Variants in SLC16A6 observed in about 807,000 individuals in gnomAD.
The protein encoded by SLC16A6 is solute carrier family 16 member 6.
SLC16A6 carries 15 observed loss-of-function variants against 33.8 expected under a neutral mutation model. That is an observed-to-expected ratio of 0.44 (90% CI 0.30 to 0.68). The LOEUF (loss-of-function observed/expected upper bound fraction) is 0.68, where lower values mean the gene tolerates loss of function less well. Among genes scored for constraint, SLC16A6 ranks in the 30% least tolerant of loss-of-function variants. The pLI is 0.10. For synonymous variants in SLC16A6, 219 were observed against 248.4 expected (o/e 0.88, Z 1.11); for missense variants, 451 against 661.5 (o/e 0.68, Z 3.49).
intron 2 of SLC16A6, among the ~76,000 whole-genome samples, chr17:68,274,955 T>C (rs1281796627): frequency 6.6e-6 from 1 of 152,130 alleles, no homozygotes; most frequent in Non-Finnish European, 1.5e-5. Flanking sequence ...TGATTGTGTA[T>C]TTTTAGTAGA....
chr17:68,280,662 A>G (rs1368071690), intron 1 of SLC16A6, among the ~76,000 whole-genome samples: 1 of 152,262 alleles, frequency 6.6e-6, no homozygotes, highest in Non-Finnish European at 1.5e-5. Context: ...ACTTAAATGT[A>G]AGACCTAAAA....
intron 1 of SLC16A6, chr17:68,282,885 T>G (rs369852101): frequency 7.0e-6 from 1 of 143,484 alleles, no homozygotes; most frequent in East Asian, 2.0e-4. Flanking sequence ...GAGGTGGAGG[T>G]TGCAGTGAGC....
rs2075206076 is a variant in SLC16A6 at position 68,267,916 on chromosome 17, T to G, written c.*1180A>C. ...CCCCCATGTGAAATACAGAAATGCT[T>G]CAATAATTAGATGGTTTTTTCTTTA... On this transcript the variant is annotated 3_prime_UTR_variant, in exon 6 of 6. Transcript: ENST00000580666. 6.6e-6 allele frequency: 1 copy of G among 152,226 alleles called. No homozygotes were observed. Among genetic ancestry groups the G allele is most frequent in the Admixed American group, 6.5e-5 (1 of 15,284 alleles). 9.4% of individuals were successfully genotyped at this position (152,226 alleles called of 1,614,324 possible). A position where few individuals can be genotyped will look rare whatever the true frequency, so the allele number is the denominator to read the frequency against.
At chr17:68,281,339 C>T (rs6501344) in intron 1 of SLC16A6, among the ~76,000 whole-genome samples, 35,073 of 151,762 alleles carry the variant, frequency 0.23, 4,392 homozygotes, top group African/African-American at 0.31. Context: ...GAGCCTGAGG[C>T]AGGTGGATCA....
At chr17:68,279,028 G>C (rs1162512685) in intron 1 of SLC16A6, among the ~76,000 whole-genome samples, 1 of 152,096 alleles carries the variant, frequency 6.6e-6, no homozygotes, top group Non-Finnish European at 1.5e-5. Flanking sequence ...CTCCCAAAAA[G>C]AAAGTTAAAT....
rs1292451521 is a variant in SLC16A6, at chr17:68,268,006, T to C, written c.*1090A>G. The C allele has an allele frequency of 6.6e-6, 1 of 152,252 alleles. No individual in the cohort carries two copies. The highest frequency in any genetic ancestry group is 1.5e-5 in the Non-Finnish European group (1 of 68,040). The allele number at this position is 152,252 out of a possible 1,614,324, so 9.4% of individuals were successfully genotyped here. ...GATCAAAGAAGTTCCTCAAGTATTC[T>C]TAAATGATAAAACAAATTAGTTTTG... On this transcript the variant is annotated 3_prime_UTR_variant, in exon 6 of 6. Transcript: ENST00000580666.
rs1475152120 is a variant in SLC16A6 at position 68,269,006 on chromosome 17, G to A, written c.*90C>T. The A allele has an allele frequency of 6.4e-7, 1 of 1,566,798 alleles. No homozygotes were observed. Among genetic ancestry groups the A allele is most frequent in the Non-Finnish European group, 8.6e-7 (1 of 1,157,696 alleles). ...AATGTAGTTTTGAAAGTGGAGTAGA[G>A]GGGTTAGCTCCTCTGCCTCCTTGTG... is the stretch of plus-strand genomic sequence containing the variant. On this transcript the variant is annotated 3_prime_UTR_variant, in exon 6 of 6. Coordinates refer to ENST00000580666, the MANE Select transcript of SLC16A6 (RefSeq NM_004694.5).
rs782203795 is a variant in SLC16A6, at chr17:68,271,125, G to C, written c.1035C>G (p.Ile345Met). 5 of 1,614,118 alleles carry C rather than the reference G, an allele frequency of 3.1e-6. No homozygotes were observed. The South Asian group carries it at 4.4e-5, about 14-fold the overall frequency. Reference sequence around the variant, plus strand: ...CCCTGTTGAGGACAAAACCAGCTCCGATCCTTCCGAAAACTTCTGCAATGG... The same window carrying C: ...CCCTGTTGAGGACAAAACCAGCTCCCATCCTTCCGAAAACTTCTGCAATGG... ...TMAIAEVFGR[I>M]GAGFVLNREP... is the part of the protein sequence containing the mutation. The change falls in exon 5 of 6, where the codon ATC becomes ATG. Residue 345 changes from isoleucine to methionine, a missense_variant. Ile to Met is a conservative substitution (Grantham distance 10). Around this residue, in one of 2 missense-constraint regions of SLC16A6, gnomAD observed 405 missense variants for 510.7 expected, o/e 0.79. Coordinates refer to ENST00000580666, the MANE Select transcript of SLC16A6 (RefSeq NM_004694.5). This position sits in a 1 kb window ranked among gnomAD's most constrained non-coding sequence, Gnocchi z 5.3.
chr17:68,277,804 T>C (rs571407769), intron 2 of SLC16A6, among the ~76,000 whole-genome samples: 1 of 152,296 alleles, frequency 6.6e-6, no homozygotes, highest in African/African-American at 2.4e-5. Flanking sequence ...CTGCACTCCT[T>C]AAGGGAATCT....
intron 2 of SLC16A6, chr17:68,274,430 C>G: frequency 5.7e-6 from 1 of 176,966 alleles, no homozygotes; most frequent in Non-Finnish European, 1.2e-5. Context: ...TGCACCACTG[C>G]ACTCCATACT....
chr17:68,273,048 CTA>C (rs201389097), intron 3 of SLC16A6, among the ~76,000 whole-genome samples: 3,370 of 150,652 alleles, frequency 0.022, 50 homozygotes, highest in Middle Eastern at 0.065. Flanking sequence ...ATGGATGAAA[CTA>C]TTATTGCATG....
chr17:68,271,364 G>C lies in SLC16A6; in HGVS notation c.796C>G (p.Gln266Glu). 1 of 1,614,286 alleles carries C rather than the reference G, an allele frequency of 6.2e-7. No homozygotes were observed. The highest frequency in any genetic ancestry group is 1.1e-5 in the South Asian group (1 of 91,092). Residue 266 changes from glutamine to glutamate, a missense_variant, in exon 5 of 6, where the codon CAG becomes GAG. By Grantham distance (29) the Gln-to-Glu change is conservative. Transcript: ENST00000580666. The surrounding 1 kb of genome is among the most constrained non-coding windows in gnomAD (Gnocchi z 5.3). ...GGGCTGGTCTTCACCAGGACCTGCT[G>C]CATGTCGGCCTTCGGCTCCAGTTCC... ...NLELEPKADM[Q>E]QVLVKTSPRP...
At position 68,271,832 on chromosome 17, in the gene SLC16A6, C is replaced by G. The variant is rs782304242; in HGVS notation, c.506-178G>C. ...ATTTATTTACTTTTTGAGACAGAGT[C>G]TCACTCTGTCACCAGGCTGGAGTGC... On this transcript the variant is annotated intron_variant, in intron 4 of 5. Transcript: ENST00000580666. This position sits in a 1 kb window ranked among gnomAD's most constrained non-coding sequence, Gnocchi z 5.3. 7.2e-5 allele frequency among the ~76,000 whole-genome samples: 11 copies of G among 152,188 alleles called. 1 individual carries two copies. Among genetic ancestry groups the G allele is most frequent in the Admixed American group, 5.9e-4 (9 of 15,278 alleles).
At chr17:68,281,254 TCCC>T in intron 1 of SLC16A6, among the ~76,000 whole-genome samples, 1 of 151,710 alleles carries the variant, frequency 6.6e-6, no homozygotes, top group East Asian at 1.9e-4. Flanking sequence ...GCAAAAAAAC[TCCC>T]CAACAATCTG....
At position 68,275,914 on chromosome 17, in the gene SLC16A6, C is replaced by T. The variant is rs1266338182; in HGVS notation, c.233-1844G>A. Among the ~76,000 whole-genome samples the T allele has an allele frequency of 4.7e-5, 7 of 149,922 alleles. No individual in the cohort carries two copies. In the East Asian group the frequency reaches 7.9e-4, roughly 17 times the overall value. Reference sequence around the variant, plus strand: ...AGGAGAATCACTTGAACCTGGGAGGCGGAGGTTGCAGTGAGCTGAGACCGC... The same window carrying T: ...AGGAGAATCACTTGAACCTGGGAGGTGGAGGTTGCAGTGAGCTGAGACCGC... On this transcript the variant is annotated intron_variant, in intron 2 of 5. Transcript: ENST00000580666.
At chr17:68,284,976 G>T (rs11870866) in intron 1 of SLC16A6, among the ~76,000 whole-genome samples, 54,378 of 151,968 alleles carry the variant, frequency 0.36, 9,849 homozygotes, top group East Asian at 0.39. Flanking sequence ...ATTTATTTTT[G>T]CAACAAAATA....
Position 68,289,914 on chromosome 17 carries a change from C to T in SLC16A6, c.-8+1172G>A, listed in dbSNP as rs146657115. 2.0e-3 allele frequency among the ~76,000 whole-genome samples: 302 copies of T among 152,222 alleles called. 5 individuals carry two copies. Among genetic ancestry groups the T allele is most frequent in the Middle Eastern group, 0.017 (5 of 294 alleles). On this transcript the variant is annotated intron_variant, in intron 1 of 5. Transcript: ENST00000580666. ...TAAGTTCCTATTTTGGACACTCTTC[C>T]CTTAATTATGAGAAGAGGGGTTTCT...
chr17:68,278,587 A>ACCACAG (rs1278728075), intron 1 of SLC16A6, among the ~76,000 whole-genome samples: 5 of 149,882 alleles, frequency 3.3e-5, no homozygotes, highest in Admixed American at 6.7e-5. Context: ...GGCATGTGCC[A>ACCACAG]CCACAGCCAG....
At chr17:68,286,497 A>G (rs1555754384) in intron 1 of SLC16A6, among the ~76,000 whole-genome samples, 1 of 151,172 alleles carries the variant, frequency 6.6e-6, no homozygotes, top group Non-Finnish European at 1.5e-5. Context: ...CCTACAGGAG[A>G]GCATTTTATT....
Sources: gnomAD v4.1 joint callset for allele counts (sites outside exome capture counted in the v4.1 genomes callset) on GRCh38, gnomAD v4.1.1 for gene constraint, gnomAD v4.1.1 regional missense constraint, Gnocchi (gnomAD v3.1) non-coding constraint, MANE v1.5 for transcripts, NCBI Gene and HGNC (gene_info 2026-07-23, HGNC 2026-07-21) for gene names.